CNKSR1: variants seen among roughly 807,000 people sequenced by gnomAD.
CNKSR1 encodes CNK homolog protein 1.
A neutral mutation model predicts 95.6 loss-of-function variants in CNKSR1; 88 were observed. The ratio of observed to expected loss-of-function variants is 0.92; its 90% CI spans 0.78 to 1.10. CNKSR1 has a LOEUF of 1.10. CNKSR1 is among the 50% of genes least tolerant of loss of function. The pLI is 0.00. For missense variants in CNKSR1, 836 were observed against 912.0 expected (o/e 0.92, Z 1.07); for synonymous variants, 355 against 369.7 (o/e 0.96, Z 0.46).
chr1:26,184,594 G>T lies in CNKSR1; in HGVS notation c.1117G>T (p.Gly373Cys). The T allele has an allele frequency of 1.2e-6, 2 of 1,606,588 alleles. No individual in the cohort carries two copies. The highest frequency in any genetic ancestry group is 1.3e-5 in the African/African-American group (1 of 74,960). The change falls in exon 13 of 21, where the codon GGT (glycine) becomes TGT (cysteine). Residue 373 changes from glycine (G) to cysteine (C), a missense_variant. Coordinates refer to ENST00000361530, the MANE Select transcript of CNKSR1 (RefSeq NM_006314.3). Reference sequence around the variant, plus strand: ...TCTGCTGTCCTTTCAGAGTCCTGTTGGTCGGAAGAAATCAAAAGGTATGAG... The same window carrying T: ...TCTGCTGTCCTTTCAGAGTCCTGTTTGTCGGAAGAAATCAAAAGGTATGAG... The part of the protein sequence containing the change: ...LPESPDKSPV[G>C]RKKSKGLATR...
intron 20 of CNKSR1, 100 bp downstream of exon 20, chr1:26,189,053 CCA>C (rs2088816731): frequency 7.2e-7 from 1 of 1,397,252 alleles, no homozygotes; most frequent in Admixed American, 1.8e-5. Context: ...ACTCCAGACT[CCA>C]GACTCAGCTC....
Position 26,181,689 on chromosome 1 carries a change from A to C in CNKSR1, c.393-168A>C, listed in dbSNP as rs553601015. 959 of 673,268 alleles carry C rather than the reference A, an allele frequency of 1.4e-3. 23 individuals are homozygous for C. The South Asian group carries it at 0.015, about 11-fold the overall frequency. 41.7% of individuals were successfully genotyped at this position (673,268 alleles called of 1,614,324 possible). On this transcript the variant is annotated intron_variant, in intron 3 of 20. Coordinates refer to ENST00000361530, the MANE Select transcript of CNKSR1 (RefSeq NM_006314.3). ...GCATGTGGTAGGCACATGACAAATA[A>C]GTCCTGTGCTAATCTCTTTAGATGT... is the stretch of plus-strand genomic sequence containing the variant.
intron 9 of CNKSR1, 115 bp downstream of exon 9, chr1:26,183,945 T>C (rs2088694035): frequency 2.0e-6 from 1 of 502,986 alleles, no homozygotes; most frequent in African/African-American, 2.8e-5. Context: ...CTTCCCCTGC[T>C]GCGCCCCCCT....
At position 26,183,398 on chromosome 1, in the gene CNKSR1, T is replaced by A; in HGVS notation, c.737T>A (p.Ile246Asn). The A allele has an allele frequency of 1.2e-6, 2 of 1,614,104 alleles. No individual in the cohort carries two copies. Among genetic ancestry groups the A allele is most frequent in the Non-Finnish European group, 1.7e-6 (2 of 1,180,002 alleles). The part of the protein sequence containing the change: ...QIQPGDEVVQ[I>N]NEQVVVGWPR... ...CAGCCTGGAGACGAGGTTGTCCAGA[T>A]CAACGAGCAGGTGGTGGTGCGTGAG... Residue 246 changes from isoleucine (I) to asparagine (N), a missense_variant, in exon 8 of 21, where the codon ATC (isoleucine) becomes AAC (asparagine). By Grantham distance (149) the Ile-to-Asn change is moderately radical (BLOSUM62 -3). Transcript: ENST00000361530.
intron 19 of CNKSR1, 37 bp downstream of exon 19, chr1:26,188,734 G>C: frequency 6.2e-7 from 1 of 1,611,748 alleles, no homozygotes; most frequent in Non-Finnish European, 8.5e-7. Context: ...CTGGGGGCTG[G>C]GGTGGGCACA....
At chr1:26,178,045 T>G (rs114519622) in intron 1 of CNKSR1, among the ~76,000 whole-genome samples, 5 of 152,060 alleles carry the variant, frequency 3.3e-5, no homozygotes, top group Non-Finnish European at 7.3e-5. Context: ...GCACCTAACA[T>G]GTTCCAGGAA....
chr1:26,187,744 T>G (rs1342094099), intron 16 of CNKSR1, among the ~76,000 whole-genome samples: 1 of 151,656 alleles, frequency 6.6e-6, no homozygotes, highest in Non-Finnish European at 1.5e-5. Context: ...TGCCTCAGCT[T>G]CCTAGGTAGC....
intron 2 of CNKSR1, 37 bp from the exon 3 acceptor site, chr1:26,180,678 G>A: frequency 6.2e-7 from 1 of 1,614,010 alleles, no homozygotes; most frequent in Non-Finnish European, 8.5e-7. Context: ...GGGGCTGGCT[G>A]CTGCCAGGGA....
rs1354217786 is a variant in CNKSR1 at position 26,188,956 on chromosome 1, C to G, written c.1872+3C>G. The G allele has an allele frequency of 6.2e-7, 1 of 1,612,840 alleles. No homozygotes were observed. The highest frequency in any genetic ancestry group is 1.1e-5 in the South Asian group (1 of 91,028). ...GGGCGCTACAGAGCACACTCAAGGT[C>G]AGCTGGGGGGCTCTGGGCACAGCAA... On this transcript the variant is annotated splice_donor_region_variant and intron_variant, in intron 20 of 20. Transcript: ENST00000361530.
intron 6 of CNKSR1, 120 bp from the exon 7 acceptor site, chr1:26,183,077 G>C: frequency 9.9e-7 from 1 of 1,011,604 alleles, no homozygotes; most frequent in Non-Finnish European, 1.6e-6. Flanking sequence ...GGCAGGACCA[G>C]CTTGGGGTCA....
rs1234051892 is a variant in CNKSR1 at position 26,188,795 on chromosome 1, G to T, written c.1714G>T (p.Gly572Ter). ...LTDSSEEALE[G>*]MVRGLRQGGV... ...AGACAGCAGTGAAGAGGCACTGGAA[G>T]GAATGGTACGGGGGCTGAGGCAGGG... The change falls in exon 20 of 21, where the codon GGA becomes TGA. Residue 572 changes from glycine (G) to a stop codon, truncating the protein, a stop_gained. Coordinates refer to ENST00000361530, the MANE Select transcript of CNKSR1 (RefSeq NM_006314.3). LOFTEE classifies it high-confidence loss of function. 6.2e-7 allele frequency: 1 copy of T among 1,610,226 alleles called. No individual in the cohort carries two copies. Among genetic ancestry groups the T allele is most frequent in the African/African-American group, 1.3e-5 (1 of 74,826 alleles).
chr1:26,185,252 A>G (rs1256019381), intron 14 of CNKSR1, 66 bp downstream of exon 14: 3 of 1,476,256 alleles, frequency 2.0e-6, no homozygotes, highest in Non-Finnish European at 2.8e-6. Flanking sequence ...TCTCATCTCT[A>G]TTCTATCATC....
At chr1:26,180,945 C>T in intron 3 of CNKSR1, 49 bp downstream of exon 3, 1 of 1,607,690 alleles carries the variant, frequency 6.2e-7, no homozygotes, top group Non-Finnish European at 8.5e-7. Flanking sequence ...TCCTTGGCCT[C>T]CTTCAGGGCG....
rs372478085 is a variant in CNKSR1 at position 26,180,555 on chromosome 1, G to A, written c.155G>A (p.Arg52Gln). The A allele has an allele frequency of 5.1e-5, 82 of 1,614,064 alleles. No individual in the cohort carries two copies. The highest frequency in any genetic ancestry group is 2.7e-4 in the African/African-American group (20 of 74,916). ...CPQSLEALAV[R>Q]SLGHQELILG... ...CAAAGCCTCGAGGCTCTGGCTGTGCGGTCTCTGGGACACCAGGAGCTCATC... is the reference window on the plus strand; with the variant it reads ...CAAAGCCTCGAGGCTCTGGCTGTGCAGTCTCTGGGACACCAGGAGCTCATC... Residue 52 changes from arginine to glutamine, a missense_variant, in exon 2 of 21, where the codon CGG becomes CAG. Arg to Gln is a conservative substitution (Grantham distance 43, BLOSUM62 1). Transcript: ENST00000361530.
At position 26,180,576 on chromosome 1, in the gene CNKSR1, T is replaced by C. The variant is rs773478936; in HGVS notation, c.176T>C (p.Leu59Pro). 6.2e-7 allele frequency: 1 copy of C among 1,614,158 alleles called. No individual in the cohort carries two copies. Among genetic ancestry groups the C allele is most frequent in the East Asian group, 2.2e-5 (1 of 44,884 alleles). Reference sequence around the variant, plus strand: ...GTGCGGTCTCTGGGACACCAGGAGCTCATCCTGGGCGGGGTGGAACAGCTC... The same window carrying C: ...GTGCGGTCTCTGGGACACCAGGAGCCCATCCTGGGCGGGGTGGAACAGCTC... Reference protein sequence around the residue: ...LAVRSLGHQELILGGVEQLQA... With the variant: ...LAVRSLGHQEPILGGVEQLQA... The change falls in exon 2 of 21, where the codon CTC (leucine) becomes CCC (proline). Residue 59 changes from leucine to proline, a missense_variant. Coordinates refer to ENST00000361530, the MANE Select transcript of CNKSR1 (RefSeq NM_006314.3).
Position 26,184,396 on chromosome 1 carries a change from G to A in CNKSR1, c.1001-5G>A. 1 of 1,612,094 alleles carries A rather than the reference G, an allele frequency of 6.2e-7. No homozygotes were observed. Among genetic ancestry groups the A allele is most frequent in the African/African-American group, 1.3e-5 (1 of 74,936 alleles). On this transcript the variant is annotated splice_region_variant and splice_polypyrimidine_tract_variant and intron_variant, in intron 11 of 20. Transcript: ENST00000361530. The stretch of plus-strand genomic sequence containing the variant: ...CTTTCCCTCTCTCTCCTCCCTCCCT[G>A]ACAGACTCTGCCTCCCTTGGCCCTG...
At position 26,182,529 on chromosome 1, in the gene CNKSR1, A is replaced by G. The variant is rs770167392; in HGVS notation, c.569A>G (p.Lys190Arg). The G allele has an allele frequency of 3.1e-6, 5 of 1,613,964 alleles. No individual in the cohort carries two copies. The highest frequency in any genetic ancestry group is 4.2e-6 in the Non-Finnish European group (5 of 1,179,992). ...CACAACATCCTGGTCTGCTGCCCCA[A>G]GGAGCTGCTGGAACAGAAGGCCGTG... ...ICHNILVCCPKELLEQKAVLE... is the reference protein window; with the variant it reads ...ICHNILVCCPRELLEQKAVLE... The change falls in exon 6 of 21, where the codon AAG becomes AGG. Residue 190 changes from lysine (K) to arginine (R), a missense_variant. Coordinates refer to ENST00000361530, the MANE Select transcript of CNKSR1 (RefSeq NM_006314.3).
intron 1 of CNKSR1, among the ~76,000 whole-genome samples, chr1:26,178,791 A>G (rs779011915): frequency 1.3e-5 from 2 of 152,208 alleles, no homozygotes; most frequent in African/African-American, 2.4e-5. Context: ...TTGTAGCTCA[A>G]TGCCTGGGTC....
chr1:26,189,651 G>T lies in CNKSR1; in HGVS notation c.*103G>T, dbSNP rs773718111. On this transcript the variant is annotated 3_prime_UTR_variant, in exon 21 of 21. Coordinates refer to ENST00000361530, the MANE Select transcript of CNKSR1 (RefSeq NM_006314.3). ...GCATCCCTGGATTCTGTTCAGGGTG[G>T]GAAGTAGTACTGCTAGTCATGGTCT... 8 of 795,876 alleles carry T rather than the reference G, an allele frequency of 1.0e-5. No homozygotes were observed. The allele number at this position is 795,876 out of a possible 1,614,324, so 49.3% of individuals were successfully genotyped here. A position where few individuals can be genotyped will look rare whatever the true frequency, so the allele number is the denominator to read the frequency against.
Sources: gnomAD v4.1 joint callset for allele counts (sites outside exome capture counted in the v4.1 genomes callset) on GRCh38, gnomAD v4.1.1 for gene constraint, MANE v1.5 for transcripts, NCBI Gene and HGNC (gene_info 2026-07-23, HGNC 2026-07-21) for gene names.